Variants in STPG2 observed in about 807,000 individuals in gnomAD.
STPG2 encodes the protein sperm-tail PG-rich repeat-containing protein 2.
In STPG2, 56 loss-of-function variants were observed where a neutral mutation model predicts 54.2. The ratio of observed to expected loss-of-function variants is 1.03; its 90% confidence interval spans 0.83 to 1.29. The LOEUF (loss-of-function observed/expected upper bound fraction) is 1.29, where lower values mean the gene tolerates loss of function less well. Ranked by LOEUF, STPG2 falls within the 50% of genes most tolerant of loss-of-function variation. STPG2 has a pLI of 0.00. For synonymous variants in STPG2, 200 were observed against 181.8 expected (o/e 1.10, Z -0.81); for missense variants, 596 against 544.9 (o/e 1.09, Z -0.93).
At chr4:97,579,314 G>A (rs1732803113) in intron 10 of STPG2, among the ~76,000 whole-genome samples, 1 of 151,706 alleles carries the variant, frequency 6.6e-6, no homozygotes, top group South Asian at 2.1e-4. Context: ...ATTATCTATG[G>A]GAGTTAAAAT....
At chr4:98,081,093 C>A (rs970891375) in intron 5 of STPG2, among the ~76,000 whole-genome samples, 1 of 152,162 alleles carries the variant, frequency 6.6e-6, no homozygotes, top group Non-Finnish European at 1.5e-5. Context: ...TTAATGATTG[C>A]AAAACTTCCA....
chr4:97,844,322 A>G lies in STPG2; in HGVS notation c.1045-3390T>C, dbSNP rs545018750. Among the ~76,000 whole-genome samples the G allele has an allele frequency of 4.2e-3, 639 of 152,130 alleles. 3 individuals are homozygous for G. Among genetic ancestry groups the G allele is most frequent in the South Asian group, 0.024 (116 of 4,820 alleles). On this transcript the variant is annotated intron_variant, in intron 8 of 10. Transcript: ENST00000295268. ...CCTAAATTGTCTCCCATGTTGTAGC[A>G]TATTGCAAATAAAGATTGACCTCAA...
At position 97,595,381 on chromosome 4, in the gene STPG2, T is replaced by C. The variant is rs1733259889; in HGVS notation, c.1321-36264A>G. Among the ~76,000 whole-genome samples, 5 of 151,662 alleles carry C rather than the reference T, an allele frequency of 3.3e-5. No individual in the cohort carries two copies. The South Asian group carries it at 1.0e-3, about 32-fold the overall frequency. ...AACAAACACCACATGTTCTCACTCA[T>C]AGGTGGGAATTGAACAATGAGAACA... On this transcript the variant is annotated intron_variant, in intron 10 of 10. Coordinates refer to ENST00000295268, the MANE Select transcript of STPG2 (RefSeq NM_174952.3).
chr4:97,863,373 T>A (rs1578634528), intron 8 of STPG2, among the ~76,000 whole-genome samples: 1 of 152,244 alleles, frequency 6.6e-6, no homozygotes, highest in Non-Finnish European at 1.5e-5. Flanking sequence ...CCTTGACACA[T>A]ACACCCTCCC....
chr4:97,536,785 TA>T (rs1731542251), intron 4 of STPG2, among the ~76,000 whole-genome samples: 1 of 152,100 alleles, frequency 6.6e-6, no homozygotes. Flanking sequence ...GCTAATAATC[TA>T]AAGGGTGCTC....
At chr4:97,590,419 G>A (rs1733110749) in intron 10 of STPG2, among the ~76,000 whole-genome samples, 1 of 151,990 alleles carries the variant, frequency 6.6e-6, no homozygotes, top group South Asian at 2.1e-4. Context: ...TAGGGAAAGG[G>A]TAAATTAGAA....
intron 8 of STPG2, among the ~76,000 whole-genome samples, chr4:97,907,140 C>T (rs1731463629): frequency 6.6e-6 from 1 of 152,056 alleles, no homozygotes; most frequent in Non-Finnish European, 1.5e-5. Flanking sequence ...CCCAAAATCT[C>T]CTTAAGCTGA....
intron 9 of STPG2, among the ~76,000 whole-genome samples, chr4:97,759,830 G>A (rs1379598981): frequency 6.6e-6 from 1 of 152,134 alleles, no homozygotes; most frequent in Admixed American, 6.6e-5. Flanking sequence ...AGAGATGCCA[G>A]TTTTGGAGAC....
chr4:97,634,384 G>T (rs913061420), intron 10 of STPG2, among the ~76,000 whole-genome samples: 1 of 152,092 alleles, frequency 6.6e-6, no homozygotes, highest in African/African-American at 2.4e-5. Context: ...AAACCACAAA[G>T]ATGGGGAAAA....
intron 10 of STPG2, among the ~76,000 whole-genome samples, chr4:97,629,850 G>T (rs1721213576): frequency 6.6e-6 from 1 of 151,922 alleles, no homozygotes; most frequent in Non-Finnish European, 1.5e-5. Context: ...ACATGGCCAA[G>T]ATAATGGAAA....
At chr4:97,860,467 G>GTTTTATTTTA (rs56308311) in intron 8 of STPG2, among the ~76,000 whole-genome samples, 1,661 of 138,728 alleles carry the variant, frequency 0.012, 23 homozygotes, top group Admixed American at 0.022. Flanking sequence ...ATATTCCTAA[G>GTTTTATTTTA]TTTTATTTTA....
At chr4:97,606,735 CTCTT>C (rs1034294183) in intron 10 of STPG2, among the ~76,000 whole-genome samples, 7 of 151,844 alleles carry the variant, frequency 4.6e-5, no homozygotes, top group African/African-American at 1.7e-4. Flanking sequence ...AGCTTTAAGA[CTCTT>C]TATGCTATTT....
intron 8 of STPG2, among the ~76,000 whole-genome samples, chr4:97,858,161 T>A (rs1032433245): frequency 1.3e-5 from 2 of 151,954 alleles, no homozygotes; most frequent in African/African-American, 2.4e-5. Flanking sequence ...ACTTTCCAAA[T>A]CTAGAGGAGA....
chr4:97,976,801 A>C (rs898612417), intron 6 of STPG2, among the ~76,000 whole-genome samples: 5 of 152,146 alleles, frequency 3.3e-5, no homozygotes, highest in African/African-American at 4.8e-5. Flanking sequence ...TGCCCTTTAT[A>C]AATAAACTAA....
chr4:97,806,168 A>G (rs1238290267), intron 9 of STPG2, among the ~76,000 whole-genome samples: 1 of 152,258 alleles, frequency 6.6e-6, no homozygotes, highest in African/African-American at 2.4e-5. Flanking sequence ...CATAAACACA[A>G]TGGAATACTA....
At chr4:97,507,591 G>A (rs913319748) in intron 4 of STPG2, among the ~76,000 whole-genome samples, 2 of 152,016 alleles carry the variant, frequency 1.3e-5, no homozygotes, top group East Asian at 1.9e-4. Flanking sequence ...GATGCCAGCT[G>A]CAAGCCCTAG....
intron 10 of STPG2, among the ~76,000 whole-genome samples, chr4:97,630,987 G>A (rs532813043): frequency 2.6e-5 from 4 of 151,982 alleles, no homozygotes; most frequent in African/African-American, 4.8e-5. Context: ...CAGATAAGAA[G>A]CAAAGACTTT....
chr4:97,699,030 T>A (rs1289958576), intron 10 of STPG2, among the ~76,000 whole-genome samples: 1 of 152,158 alleles, frequency 6.6e-6, no homozygotes, highest in African/African-American at 2.4e-5. Flanking sequence ...AGAGTAAGTG[T>A]CTATTCCAGT....
intron 9 of STPG2, among the ~76,000 whole-genome samples, chr4:97,770,693 G>A (rs561356400): frequency 1.3e-5 from 2 of 152,308 alleles, no homozygotes; most frequent in Admixed American, 6.5e-5. Context: ...GAATCTGGAT[G>A]TATTTTGAAG....
Sources: gnomAD v4.1 joint callset for allele counts (sites outside exome capture counted in the v4.1 genomes callset) on GRCh38, gnomAD v4.1.1 for gene constraint, MANE v1.5 for transcripts, NCBI Gene and HGNC (gene_info 2026-07-23, HGNC 2026-07-21) for gene names.